Variants in ECE1 observed in about 807,000 individuals in gnomAD.
ECE1 encodes endothelin-converting enzyme 1.
In ECE1, 35 loss-of-function variants were observed where a neutral mutation model predicts 98.6. That is an observed-to-expected ratio of 0.35 (90% CI 0.27 to 0.47). ECE1 has a LOEUF of 0.47. ECE1 is among the 20% of genes least tolerant of loss of function. ECE1 has a pLI of 1.00. For missense variants in ECE1, 814 were observed against 1,025.3 expected (o/e 0.79, Z 2.81); for synonymous variants, 394 against 407.1 (o/e 0.97, Z 0.39).
intron 1 of ECE1, among the ~76,000 whole-genome samples, chr1:21,326,667 G>C (rs899286434): frequency 2.0e-5 from 3 of 152,082 alleles, no homozygotes; most frequent in Admixed American, 6.5e-5. Context: ...GTGGGGCGAG[G>C]CCTGCAGAGC....
intron 1 of ECE1, among the ~76,000 whole-genome samples, chr1:21,336,778 G>A (rs940048269): frequency 6.6e-6 from 1 of 152,214 alleles, no homozygotes; most frequent in South Asian, 2.1e-4. Flanking sequence ...AAAAGGTGGA[G>A]CTTGCAGTGA....
intron 8 of ECE1, among the ~76,000 whole-genome samples, chr1:21,253,974 C>G (rs1027768312): frequency 5.5e-5 from 8 of 146,464 alleles, no homozygotes; most frequent in Admixed American, 2.1e-4. Context: ...GAGGCTGAGG[C>G]AGGAGAATCG....
chr1:21,327,982 A>C lies in ECE1; in HGVS notation c.3+17394T>G, dbSNP rs967581083. Among the ~76,000 whole-genome samples, 2 of 152,200 alleles carry C rather than the reference A, an allele frequency of 1.3e-5. No homozygotes were observed. Among genetic ancestry groups the C allele is most frequent in the Non-Finnish European group, 2.9e-5 (2 of 68,032 alleles). On this transcript the variant is annotated intron_variant, in intron 1 of 18. Transcript: ENST00000415912. This position sits in a 1 kb window ranked among gnomAD's most constrained non-coding sequence, Gnocchi z 4.6. ...ATCTAACTAACATGAACTGAGGTGG[A>C]ACAGTTTCATGTACCTCAGATCATC...
chr1:21,260,144 C>CT lies in ECE1; in HGVS notation c.615+126dup. 7.1e-7 allele frequency: 1 copy of CT among 1,411,674 alleles called. No individual in the cohort carries two copies. 87.4% of individuals were successfully genotyped at this position (1,411,674 alleles called of 1,614,324 possible). Reference sequence around the variant, plus strand: ...GCACACTCGCTCTCTCTCTTTCTGTCTTTCTCTTGGTGCTACCGGCTGGAC... The same window carrying CT: ...GCACACTCGCTCTCTCTCTTTCTGTCTTTTCTCTTGGTGCTACCGGCTGGAC... On this transcript the variant is annotated intron_variant, in intron 5 of 18. Transcript: ENST00000374893. This position sits in a 1 kb window ranked among gnomAD's most constrained non-coding sequence, Gnocchi z 4.3.
intron 3 of ECE1, among the ~76,000 whole-genome samples, chr1:21,274,204 GGA>G (rs1036645366): frequency 9.2e-5 from 14 of 152,338 alleles, no homozygotes; most frequent in African/African-American, 3.1e-4. Flanking sequence ...GTGGGAGGGC[GGA>G]GAGCTGAGAG....
In ECE1 at chr1:21,238,505, G is replaced by A. The variant is rs28368009; in HGVS notation, c.1279-261C>T. ...CCCGTTGAGCCATTCAATGACCCTC[G>A]GGGCTTACAAGCCGTTTGACTGATG... On this transcript the variant is annotated intron_variant, in intron 10 of 18. Transcript: ENST00000374893. Among the ~76,000 whole-genome samples the A allele has an allele frequency of 2.0e-3, 306 of 152,314 alleles. 2 individuals carry two copies. The highest frequency in any genetic ancestry group is 6.1e-3 in the African/African-American group (252 of 41,566).
At chr1:21,312,646 C>A (rs1638753978) in intron 1 of ECE1, among the ~76,000 whole-genome samples, 1 of 151,884 alleles carries the variant, frequency 6.6e-6, no homozygotes, top group Non-Finnish European at 1.5e-5. Context: ...GAGCAAGCAG[C>A]ATCCCCAGCT....
intron 10 of ECE1, among the ~76,000 whole-genome samples, chr1:21,240,319 T>C (rs1274989393): frequency 6.6e-6 from 1 of 152,040 alleles, no homozygotes; most frequent in Non-Finnish European, 1.5e-5. Context: ...AAACTCCATC[T>C]CTATTAAAAA....
chr1:21,235,698 T>C lies in ECE1; in HGVS notation c.1566+152A>G. 2.3e-6 allele frequency: 2 copies of C among 863,648 alleles called. No homozygotes were observed. The highest frequency in any genetic ancestry group is 3.9e-6 in the Non-Finnish European group (2 of 512,650). 53.5% of individuals were successfully genotyped at this position (863,648 alleles called of 1,614,324 possible). A position where few individuals can be genotyped will look rare whatever the true frequency, so the allele number is the denominator to read the frequency against. On this transcript the variant is annotated intron_variant, in intron 13 of 18. Coordinates refer to ENST00000374893, the MANE Select transcript of ECE1 (RefSeq NM_001397.3). The surrounding 1 kb of genome is among the most constrained non-coding windows in gnomAD (Gnocchi z 4.2). Reference sequence around the variant, plus strand: ...TTAAGAAGAAGAAGAGGCTTCCTCATGCCTGACCCATACCCAAGCCCCACA... The same window carrying C: ...TTAAGAAGAAGAAGAGGCTTCCTCACGCCTGACCCATACCCAAGCCCCACA...
intron 1 of ECE1, among the ~76,000 whole-genome samples, chr1:21,332,891 A>G (rs1263434030): frequency 1.3e-5 from 2 of 151,948 alleles, no homozygotes; most frequent in Non-Finnish European, 2.9e-5. Flanking sequence ...ACAGCTATGG[A>G]AAGAGAAACA....
intron 4 of ECE1, among the ~76,000 whole-genome samples, chr1:21,265,230 C>T (rs140064702): frequency 8.5e-5 from 13 of 152,188 alleles, no homozygotes; most frequent in East Asian, 1.9e-4. Flanking sequence ...CTCTAGCCTG[C>T]GGGAGGTGAC....
At position 21,225,576 on chromosome 1, in the gene ECE1, T is replaced by C; in HGVS notation, c.1850-136A>G. ...AGCCACCATGGGGAGACGAGGTCCCTGTGAGTGCCGAGGGACGTGGATGTG... is the reference window on the plus strand; with the variant it reads ...AGCCACCATGGGGAGACGAGGTCCCCGTGAGTGCCGAGGGACGTGGATGTG... On this transcript the variant is annotated intron_variant, in intron 16 of 18. Coordinates refer to ENST00000374893, the MANE Select transcript of ECE1 (RefSeq NM_001397.3). The surrounding 1 kb of genome is among the most constrained non-coding windows in gnomAD (Gnocchi z 5.3). 2.0e-6 allele frequency: 2 copies of C among 983,828 alleles called. No homozygotes were observed. The highest frequency in any genetic ancestry group is 1.6e-5 in the South Asian group (1 of 64,124). 60.9% of individuals were successfully genotyped at this position (983,828 alleles called of 1,614,324 possible).
intron 1 of ECE1, among the ~76,000 whole-genome samples, chr1:21,328,499 C>T (rs562224323): frequency 2.1e-4 from 32 of 152,294 alleles, no homozygotes; most frequent in Admixed American, 8.5e-4. Flanking sequence ...CAGTGGCTCA[C>T]GCCTGTAATC....
upstream of ECE1, among the ~76,000 whole-genome samples, chr1:21,292,888 A>T (rs962119910): frequency 6.6e-6 from 1 of 152,152 alleles, no homozygotes; most frequent in African/African-American, 2.4e-5. Context: ...TCCATTACCC[A>T]TCCCAGAGAG....
upstream of ECE1, chr1:21,293,439 G>C (rs1159546586): frequency 6.6e-6 from 1 of 151,984 alleles, no homozygotes; most frequent in African/African-American, 2.4e-5. Flanking sequence ...GTCTCCTTAA[G>C]GGCTTAGTCT....
intron 1 of ECE1, among the ~76,000 whole-genome samples, chr1:21,333,483 C>T (rs1639247359): frequency 6.6e-6 from 1 of 152,216 alleles, no homozygotes; most frequent in Non-Finnish European, 1.5e-5. Flanking sequence ...CAGAAAACAG[C>T]ATATGTGAGG....
chr1:21,317,282 G>A (rs1032547448), intron 1 of ECE1, among the ~76,000 whole-genome samples: 4 of 152,094 alleles, frequency 2.6e-5, no homozygotes, highest in Admixed American at 1.3e-4. Flanking sequence ...GAATCCTATC[G>A]CCCACTGTTA....
At chr1:21,273,054 C>T (rs2098242222) in intron 3 of ECE1, 143 bp from the exon 4 acceptor site, 1 of 825,386 alleles carries the variant, frequency 1.2e-6, no homozygotes, top group African/African-American at 1.7e-5. Flanking sequence ...GTCACTAGAC[C>T]CCTACAGAGA....
rs1368811251 is a variant in ECE1, at chr1:21,345,484, C to A, written c.-106G>T. The A allele has an allele frequency of 9.3e-7, 1 of 1,078,746 alleles. No individual in the cohort carries two copies. Among genetic ancestry groups the A allele is most frequent in the Non-Finnish European group, 1.2e-6 (1 of 854,034 alleles). The allele number at this position is 1,078,746 out of a possible 1,614,324, so 66.8% of individuals were successfully genotyped here. ...CCCAGCTGCTCGGACGGCTCGGCTGCCTGGCCCAGGCGGCGCGCTCAGCTC... is the reference window on the plus strand; with the variant it reads ...CCCAGCTGCTCGGACGGCTCGGCTGACTGGCCCAGGCGGCGCGCTCAGCTC... On this transcript the variant is annotated 5_prime_UTR_variant, in exon 1 of 19. Transcript: ENST00000415912. This position sits in a 1 kb window ranked among gnomAD's most constrained non-coding sequence, Gnocchi z 5.1.
Sources: gnomAD v4.1 joint callset for allele counts (sites outside exome capture counted in the v4.1 genomes callset) on GRCh38, gnomAD v4.1.1 for gene constraint, Gnocchi (gnomAD v3.1) non-coding constraint, MANE v1.5 for transcripts, NCBI Gene and HGNC (gene_info 2026-07-23, HGNC 2026-07-21) for gene names.